Variants in COL8A1 observed in about 807,000 individuals in gnomAD.
The protein encoded by COL8A1 is collagen alpha-1(VIII) chain.
In COL8A1, 21 loss-of-function variants were observed where a neutral mutation model predicts 42.7. The observed-to-expected ratio is 0.49, with a 90% CI of 0.35 to 0.71. COL8A1 has a LOEUF of 0.71. Among genes scored for constraint, COL8A1 ranks in the 30% least tolerant of loss-of-function variants. The pLI is 0.01. For synonymous variants in COL8A1, 367 were observed against 369.1 expected (o/e 0.99, Z 0.06); for missense variants, 788 against 962.4 (o/e 0.82, Z 2.40).
rs115427067 is a variant in COL8A1, at chr3:99,770,592, G to C, written c.-3-20088G>C. Among the ~76,000 whole-genome samples the C allele has an allele frequency of 4.1e-3, 631 of 152,250 alleles. 4 individuals carry two copies. The highest frequency in any genetic ancestry group is 0.014 in the African/African-American group (591 of 41,538). On this transcript the variant is annotated intron_variant, in intron 2 of 3. Coordinates refer to ENST00000652472, the MANE Select transcript of COL8A1 (RefSeq NM_020351.4). ...TGATAGCACAGGTGACAATAAAAGAGAGAATGGAAAAGAGGTGTTCTACCA... is the reference window on the plus strand; with the variant it reads ...TGATAGCACAGGTGACAATAAAAGACAGAATGGAAAAGAGGTGTTCTACCA...
Position 99,793,317 on chromosome 3 carries a change from T to C in COL8A1, c.329-913T>C, listed in dbSNP as rs145784147. Among the ~76,000 whole-genome samples the C allele has an allele frequency of 2.1e-4, 32 of 152,338 alleles. 1 individual carries two copies. In the East Asian group the frequency reaches 5.4e-3, roughly 26 times the overall value. ...AGATAAAAATAAGTATTTGAAGTGATAGATATATTTAGCTTGATTTAATTA... is the reference window on the plus strand; with the variant it reads ...AGATAAAAATAAGTATTTGAAGTGACAGATATATTTAGCTTGATTTAATTA... On this transcript the variant is annotated intron_variant, in intron 3 of 3. Transcript: ENST00000652472.
At chr3:99,721,646 A>G (rs1940159196) in intron 1 of COL8A1, among the ~76,000 whole-genome samples, 1 of 152,166 alleles carries the variant, frequency 6.6e-6, no homozygotes, top group Non-Finnish European at 1.5e-5. Flanking sequence ...TAAATTTTAT[A>G]ACAATTATTC....
chr3:99,778,763 G>A (rs1038233025), intron 2 of COL8A1, among the ~76,000 whole-genome samples: 3 of 152,138 alleles, frequency 2.0e-5, no homozygotes, highest in Non-Finnish European at 2.9e-5. Flanking sequence ...GAGTAACATC[G>A]ATCCAGTGTT....
In COL8A1 at chr3:99,797,143, G is replaced by A. The variant is rs1230980796; in HGVS notation, c.*1007G>A. On this transcript the variant is annotated 3_prime_UTR_variant, in exon 4 of 4. Transcript: ENST00000652472. ...ATAGCATTAAAAATTCTCCTCCTTTGACTACACACACAACCACAGTGTGGT... is the reference window on the plus strand; with the variant it reads ...ATAGCATTAAAAATTCTCCTCCTTTAACTACACACACAACCACAGTGTGGT... The A allele has an allele frequency of 6.6e-6, 1 of 152,052 alleles. No individual in the cohort carries two copies. Among genetic ancestry groups the A allele is most frequent in the East Asian group, 1.9e-4 (1 of 5,196 alleles). The allele number at this position is 152,052 out of a possible 1,614,324, so 9.4% of individuals were successfully genotyped here. A position where few individuals can be genotyped will look rare whatever the true frequency, so the allele number is the denominator to read the frequency against.
At chr3:99,729,838 G>A (rs1397765433) in intron 1 of COL8A1, among the ~76,000 whole-genome samples, 1 of 152,038 alleles carries the variant, frequency 6.6e-6, no homozygotes, top group Non-Finnish European at 1.5e-5. Context: ...GAGAAGGTAA[G>A]AATAGCTTAA....
intron 1 of COL8A1, among the ~76,000 whole-genome samples, chr3:99,742,931 C>G (rs1451909362): frequency 6.6e-6 from 1 of 152,120 alleles, no homozygotes; most frequent in Non-Finnish European, 1.5e-5. Flanking sequence ...ATCTTATTGT[C>G]TAATGCAGTT....
At chr3:99,742,205 C>G (rs1210991284) in intron 1 of COL8A1, among the ~76,000 whole-genome samples, 1 of 152,014 alleles carries the variant, frequency 6.6e-6, no homozygotes, top group Non-Finnish European at 1.5e-5. Flanking sequence ...TCTTTTCATC[C>G]TTAGATTTCC....
intron 2 of COL8A1, among the ~76,000 whole-genome samples, chr3:99,790,148 G>A (rs192453830): frequency 1.3e-5 from 2 of 152,308 alleles, no homozygotes; most frequent in Non-Finnish European, 2.9e-5. Flanking sequence ...GTTTATTCTA[G>A]CTCGTTTTAT....
chr3:99,639,389 G>A (rs1173218458), intron 1 of COL8A1, among the ~76,000 whole-genome samples: 2 of 152,182 alleles, frequency 1.3e-5, no homozygotes, highest in Non-Finnish European at 2.9e-5. Flanking sequence ...TAAACATAAA[G>A]TGTTTCAATA....
chr3:99,706,251 A>G (rs1252595614), intron 1 of COL8A1, among the ~76,000 whole-genome samples: 1 of 152,204 alleles, frequency 6.6e-6, no homozygotes, highest in Admixed American at 6.5e-5. Context: ...TGAACTTTTG[A>G]CAGTAGGAAT....
At chr3:99,685,850 C>A (rs1000103889) in intron 1 of COL8A1, among the ~76,000 whole-genome samples, 1 of 152,132 alleles carries the variant, frequency 6.6e-6, no homozygotes, top group African/African-American at 2.4e-5. Context: ...AATAGTCAGA[C>A]TACTTTACCC....
At chr3:99,771,967 A>T (rs966633358) in intron 2 of COL8A1, among the ~76,000 whole-genome samples, 3 of 152,322 alleles carry the variant, frequency 2.0e-5, no homozygotes, top group Admixed American at 1.3e-4. Flanking sequence ...TAATCCAATG[A>T]TACCATTGTC....
intron 1 of COL8A1, chr3:99,675,819 C>G (rs1242237493): frequency 6.6e-6 from 1 of 152,474 alleles, no homozygotes; most frequent in Non-Finnish European, 1.5e-5. Flanking sequence ...TTGACCCCCT[C>G]TAAGGCTGAA....
chr3:99,718,255 C>T (rs902503411), intron 1 of COL8A1, among the ~76,000 whole-genome samples: 1 of 151,956 alleles, frequency 6.6e-6, no homozygotes, highest in African/African-American at 2.4e-5. Context: ...TAGATGATGG[C>T]CCCTTGAAGA....
At position 99,798,473 on chromosome 3, in the gene COL8A1, T is replaced by C. The variant is rs760437785; in HGVS notation, c.*2337T>C. On this transcript the variant is annotated 3_prime_UTR_variant, in exon 4 of 4. Transcript: ENST00000652472. ...AAGTCAGATCAGGTGATTTGTAAAATTGTATTTATCTGTACATGTATGGGC... is the reference window on the plus strand; with the variant it reads ...AAGTCAGATCAGGTGATTTGTAAAACTGTATTTATCTGTACATGTATGGGC... The C allele has an allele frequency of 2.0e-5, 3 of 152,212 alleles. No individual in the cohort carries two copies. The highest frequency in any genetic ancestry group is 2.9e-5 in the Non-Finnish European group (2 of 68,038). 9.4% of individuals were successfully genotyped at this position (152,212 alleles called of 1,614,324 possible).
chr3:99,740,615 T>G (rs1338686625), intron 1 of COL8A1, among the ~76,000 whole-genome samples: 2 of 152,176 alleles, frequency 1.3e-5, no homozygotes, highest in Non-Finnish European at 2.9e-5. Context: ...CCCCCATGAT[T>G]CACTTACCTC....
At chr3:99,708,264 C>T (rs1310229125) in intron 1 of COL8A1, among the ~76,000 whole-genome samples, 1 of 152,162 alleles carries the variant, frequency 6.6e-6, no homozygotes, top group Non-Finnish European at 1.5e-5. Flanking sequence ...AGGGTGCATG[C>T]ACTGAATTCT....
intron 2 of COL8A1, among the ~76,000 whole-genome samples, chr3:99,762,258 T>A (rs1056504901): frequency 1.3e-5 from 2 of 152,180 alleles, no homozygotes; most frequent in Admixed American, 6.6e-5. Context: ...ATCACGCACA[T>A]TTTAGTGTGG....
intron 1 of COL8A1, among the ~76,000 whole-genome samples, chr3:99,660,668 C>A (rs1938176874): frequency 6.6e-6 from 1 of 152,122 alleles, no homozygotes; most frequent in African/African-American, 2.4e-5. Flanking sequence ...AAAATGGCAC[C>A]ATTCATTAAT....
Sources: gnomAD v4.1 joint callset for allele counts (sites outside exome capture counted in the v4.1 genomes callset) on GRCh38, gnomAD v4.1.1 for gene constraint, MANE v1.5 for transcripts, NCBI Gene and HGNC (gene_info 2026-07-23, HGNC 2026-07-21) for gene names.